The following WDR33 variants were observed in gnomAD, a reference collection of about 807,000 sequenced individuals.
The protein encoded by WDR33 is pre-mRNA 3' end processing protein WDR33.
Under a neutral mutation model 164.9 loss-of-function variants are expected in WDR33, and 47 were observed. The ratio of observed to expected loss-of-function variants is 0.29; its 90% CI spans 0.23 to 0.36. The LOEUF (loss-of-function observed/expected upper bound fraction) is 0.36, where lower values mean the gene tolerates loss of function less well. Among genes scored for constraint, WDR33 ranks in the 10% least tolerant of loss-of-function variants. The pLI, the probability that WDR33 is intolerant of heterozygous loss-of-function variation, is 1.00. For synonymous variants in WDR33, 505 were observed against 589.0 expected (o/e 0.86, Z 2.06); for missense variants, 1,137 against 1,754.1 (o/e 0.65, Z 6.28).
intron 7 of WDR33, among the ~76,000 whole-genome samples, chr2:127,727,556 T>C: frequency 6.6e-6 from 1 of 152,012 alleles, no homozygotes; most frequent in East Asian, 1.9e-4. Flanking sequence ...AGAGAGTCCC[T>C]GAGCCTGGTC....
intron 7 of WDR33, among the ~76,000 whole-genome samples, chr2:127,732,857 C>T (rs1453461809): frequency 1.3e-5 from 2 of 152,158 alleles, no homozygotes; most frequent in Admixed American, 6.5e-5. Context: ...AAGTACCAAA[C>T]ACATGGTTTA....
chr2:127,761,851 C>A (rs1687687938), intron 7 of WDR33, among the ~76,000 whole-genome samples: 1 of 152,180 alleles, frequency 6.6e-6, no homozygotes, highest in Non-Finnish European at 1.5e-5. Context: ...CCTATTCTTA[C>A]AAAAGCTACA....
chr2:127,806,265 T>C (rs922019817), intron 1 of WDR33, among the ~76,000 whole-genome samples: 19 of 149,806 alleles, frequency 1.3e-4, no homozygotes, highest in African/African-American at 4.4e-4. Flanking sequence ...TGCAGTGCAG[T>C]GGCACAATTT....
At chr2:127,749,992 G>A (rs1687273214) in intron 7 of WDR33, among the ~76,000 whole-genome samples, 1 of 151,860 alleles carries the variant, frequency 6.6e-6, no homozygotes, top group South Asian at 2.1e-4. Context: ...AGTCAAAAAT[G>A]TTATCAGCTT....
intron 1 of WDR33, among the ~76,000 whole-genome samples, chr2:127,800,042 T>A (rs947292592): frequency 1.2e-4 from 18 of 152,254 alleles, no homozygotes; most frequent in Admixed American, 2.0e-4. Flanking sequence ...TACAAAAGAA[T>A]AGTGGTTGTT....
Position 127,741,482 on chromosome 2 carries a change from A to G in WDR33, c.725-14705T>C, listed in dbSNP as rs1360704362. Among the ~76,000 whole-genome samples, 1 of 152,200 alleles carries G rather than the reference A, an allele frequency of 6.6e-6. No homozygotes were observed. Among genetic ancestry groups the G allele is most frequent in the Non-Finnish European group, 1.5e-5 (1 of 68,038 alleles). On this transcript the variant is annotated intron_variant, in intron 7 of 21. Transcript: ENST00000322313. The surrounding 1 kb of genome is among the most constrained non-coding windows in gnomAD (Gnocchi z 4.1). ...TCCACTCACTTCATTAAACACACAC[A>G]AACATGCACGTGTGTACACATGTAC...
At position 127,706,388 on chromosome 2, in the gene WDR33, C is replaced by T; in HGVS notation, c.3946G>A (p.Gly1316Arg). ...GGCGGGCCAGAGTTCATGTTACTCC[C>T]TCTACCCCAGTTACTGCCACTCCGG... ...GGRSGSNWGR[G>R]SNMNSGPPRR... Residue 1316 changes from glycine (G) to arginine (R), a missense_variant, in exon 22 of 22, where the codon GGG becomes AGG. By Grantham distance (125) the Gly-to-Arg change is moderately radical. Coordinates refer to ENST00000322313, the MANE Select transcript of WDR33 (RefSeq NM_018383.5). This position sits in a 1 kb window ranked among gnomAD's most constrained non-coding sequence, Gnocchi z 5.1. The T allele has an allele frequency of 6.2e-7, 1 of 1,612,866 alleles. No homozygotes were observed. The highest frequency in any genetic ancestry group is 2.2e-5 in the East Asian group (1 of 44,854).
chr2:127,790,426 G>A (rs1400730347), intron 1 of WDR33, among the ~76,000 whole-genome samples: 1 of 151,966 alleles, frequency 6.6e-6, no homozygotes, highest in African/African-American at 2.4e-5. Context: ...ATCTGTATCT[G>A]GTTTTATATC....
intron 1 of WDR33, among the ~76,000 whole-genome samples, chr2:127,797,466 T>C (rs574325306): frequency 4.3e-4 from 66 of 152,244 alleles, no homozygotes; most frequent in Admixed American, 6.5e-4. Context: ...CACTCCACCC[T>C]GGGTGACAGA....
At chr2:127,769,368 T>G (rs1378019404) in intron 2 of WDR33, among the ~76,000 whole-genome samples, 1 of 151,658 alleles carries the variant, frequency 6.6e-6, no homozygotes, top group Admixed American at 6.6e-5. Flanking sequence ...GAGGCGGAGG[T>G]TGCAGTGAGC....
At chr2:127,809,861 A>G (rs1335009576) in intron 1 of WDR33, among the ~76,000 whole-genome samples, 1 of 152,150 alleles carries the variant, frequency 6.6e-6, no homozygotes, top group African/African-American at 2.4e-5. Context: ...TCAAATCTAT[A>G]CAATATTTTA....
chr2:127,755,231 A>G (rs1473239677), intron 7 of WDR33, among the ~76,000 whole-genome samples: 1 of 152,206 alleles, frequency 6.6e-6, no homozygotes, highest in Admixed American at 6.5e-5. Flanking sequence ...AATCTAGTGA[A>G]CTTCTACTTG....
chr2:127,744,416 T>A (rs2105406311), intron 7 of WDR33, among the ~76,000 whole-genome samples: 1 of 152,294 alleles, frequency 6.6e-6, no homozygotes, highest in Non-Finnish European at 1.5e-5. Flanking sequence ...ACTGGGGTAG[T>A]AATGATGCAG....
intron 7 of WDR33, among the ~76,000 whole-genome samples, chr2:127,728,322 C>T (rs1686619763): frequency 6.6e-6 from 1 of 152,018 alleles, no homozygotes; most frequent in Admixed American, 6.5e-5. Context: ...TAAAAAAATA[C>T]ACCAGTGTAT....
intron 7 of WDR33, among the ~76,000 whole-genome samples, chr2:127,750,745 C>CATATATATGTATGCATACAT (rs1558937130): frequency 5.1e-5 from 4 of 78,210 alleles, no homozygotes; most frequent in African/African-American, 2.2e-4. Context: ...TGTATGCATA[C>CATATATATGTATGCATACAT]ATATATATGT....
intron 1 of WDR33, among the ~76,000 whole-genome samples, chr2:127,787,383 A>G (rs1403542596): frequency 2.5e-5 from 3 of 121,890 alleles, no homozygotes; most frequent in East Asian, 4.8e-4. Context: ...CACACCTCCC[A>G]GACGGGGTGG....
In WDR33 at chr2:127,788,267, C is replaced by T. The variant is rs1158519114; in HGVS notation, c.-23-17263G>A. On this transcript the variant is annotated intron_variant, in intron 1 of 21. Transcript: ENST00000322313. ...GGGGCTGACCCCCCCCACCTCCCTC[C>T]CGGACAGGGCGGCCGGCCGGGCGGG... Among the ~76,000 whole-genome samples the T allele has an allele frequency of 2.9e-5, 4 of 136,320 alleles. 1 individual carries two copies. Among genetic ancestry groups the T allele is most frequent in the South Asian group, 4.7e-4 (2 of 4,294 alleles). 89.4% of individuals were successfully genotyped at this position (136,320 alleles called of 152,430 possible).
chr2:127,763,390 TC>T lies in WDR33; in HGVS notation c.627-232del, dbSNP rs2105433815. The T allele has an allele frequency of 7.4e-7, 1 of 1,357,274 alleles. No individual in the cohort carries two copies. Among genetic ancestry groups the T allele is most frequent in the Non-Finnish European group, 9.5e-7 (1 of 1,052,036 alleles). 84.1% of individuals were successfully genotyped at this position (1,357,274 alleles called of 1,614,324 possible). ...TTCAATCATCAGTATTCTGAGAACT[TC>T]AAGTGTGTATTATTAGTGCTAATGC... On this transcript the variant is annotated intron_variant, in intron 6 of 21. Coordinates refer to ENST00000322313, the MANE Select transcript of WDR33 (RefSeq NM_018383.5). This position sits in a 1 kb window ranked among gnomAD's most constrained non-coding sequence, Gnocchi z 4.5.
At position 127,764,435 on chromosome 2, in the gene WDR33, T is replaced by C; in HGVS notation, c.626+393A>G. On this transcript the variant is annotated intron_variant, in intron 6 of 21. Transcript: ENST00000322313. This position sits in a 1 kb window ranked among gnomAD's most constrained non-coding sequence, Gnocchi z 6.2. ...TTCCACTTTGTGTGAATTCTGAAGT[T>C]GTTTTCTGTAGGCTTTAGATTTTAT... is the stretch of plus-strand genomic sequence containing the variant. 1 of 1,450,410 alleles carries C rather than the reference T, an allele frequency of 6.9e-7. No individual in the cohort carries two copies. The highest frequency in any genetic ancestry group is 9.1e-7 in the Non-Finnish European group (1 of 1,104,596). 89.8% of individuals were successfully genotyped at this position (1,450,410 alleles called of 1,614,324 possible).
Sources: allele counts gnomAD v4.1 joint callset (sites outside exome capture counted in the v4.1 genomes callset), GRCh38; gene constraint gnomAD v4.1.1; non-coding constraint Gnocchi (gnomAD v3.1); transcripts MANE v1.5; gene names NCBI Gene and HGNC (gene_info 2026-07-23, HGNC 2026-07-21).